The following RYR2 variants were observed in gnomAD, a reference collection of about 807,000 sequenced individuals.
The protein encoded by RYR2 is cardiac muscle ryanodine receptor-calcium release channel.
RYR2 carries 227 observed loss-of-function variants against 601.1 expected under a neutral mutation model. The observed-to-expected ratio is 0.38, with a 90% confidence interval of 0.34 to 0.42. The LOEUF is 0.42. Ranked by LOEUF, RYR2 falls within the 10% of genes least tolerant of loss-of-function variation. RYR2 has a pLI of 1.00. For synonymous variants in RYR2, 2,223 were observed against 2,175.1 expected (o/e 1.02, Z -0.61); for missense variants, 4,646 against 6,156.5 (o/e 0.75, Z 8.21).
chr1:237,417,626 G>A (rs771821733), intron 11 of RYR2, among the ~76,000 whole-genome samples: 3 of 152,146 alleles, frequency 2.0e-5, no homozygotes, highest in Non-Finnish European at 4.4e-5. Context: ...TGATAGCTAA[G>A]TACAAATCTG....
At chr1:237,235,218 G>T (rs1338792785) in intron 1 of RYR2, among the ~76,000 whole-genome samples, 8 of 152,326 alleles carry the variant, frequency 5.3e-5, no homozygotes, top group African/African-American at 1.9e-4. Context: ...GAGGTACTTG[G>T]CTGATTTTAG....
At chr1:237,804,653 T>C (rs1660405660) in intron 98 of RYR2, among the ~76,000 whole-genome samples, 1 of 152,162 alleles carries the variant, frequency 6.6e-6, no homozygotes, top group African/African-American at 2.4e-5. Flanking sequence ...CCCAGGAGAC[T>C]TCTACAACAG....
rs139604211 is a variant in RYR2, at chr1:237,345,435, G to A, written c.274-10530G>A. 2.8e-3 allele frequency among the ~76,000 whole-genome samples: 420 copies of A among 149,292 alleles called. 18 individuals carry two copies. The East Asian group carries it at 0.074, about 26-fold the overall frequency. On this transcript the variant is annotated intron_variant, in intron 3 of 104. Transcript: ENST00000366574. The stretch of plus-strand genomic sequence containing the variant: ...AGTGCTACTATATTCCAGCCTGGGT[G>A]AAAGAGAGAGACTCTGCCAAAAAAT...
At chr1:237,617,001 C>G (rs1357474577) in intron 37 of RYR2, among the ~76,000 whole-genome samples, 1 of 152,102 alleles carries the variant, frequency 6.6e-6, no homozygotes, top group Non-Finnish European at 1.5e-5. Context: ...CCCAGCCCCG[C>G]CCTTGACATG....
intron 62 of RYR2, among the ~76,000 whole-genome samples, chr1:237,682,296 G>A (rs1685954778): frequency 6.6e-6 from 1 of 152,044 alleles, no homozygotes; most frequent in African/African-American, 2.4e-5. Context: ...TAAATCAGAG[G>A]TACATCGCTA....
intron 10 of RYR2, among the ~76,000 whole-genome samples, chr1:237,389,781 G>A (rs1489093524): frequency 2.0e-5 from 3 of 152,150 alleles, no homozygotes; most frequent in African/African-American, 4.8e-5. Context: ...TCTATGAGAC[G>A]TCCAGTAGGA....
At chr1:237,722,303 A>G (rs903312494) in intron 73 of RYR2, among the ~76,000 whole-genome samples, 1 of 152,062 alleles carries the variant, frequency 6.6e-6, no homozygotes, top group African/African-American at 2.4e-5. Flanking sequence ...AGTATGATAA[A>G]TCTCACGGTA....
chr1:237,203,000 G>A (rs906289637), intron 1 of RYR2, among the ~76,000 whole-genome samples: 1 of 152,188 alleles, frequency 6.6e-6, no homozygotes, highest in African/African-American at 2.4e-5. Flanking sequence ...ATTCTTGGAG[G>A]CAGGGGAGGC....
intron 12 of RYR2, among the ~76,000 whole-genome samples, chr1:237,436,024 G>A (rs1170584391): frequency 6.6e-6 from 1 of 152,152 alleles, no homozygotes; most frequent in Non-Finnish European, 1.5e-5. Context: ...AGAACCAAGA[G>A]CAGGGTAGAG....
intron 21 of RYR2, 93 bp downstream of exon 21, chr1:237,500,996 C>T: frequency 8.2e-7 from 1 of 1,213,494 alleles, no homozygotes; most frequent in Admixed American, 1.9e-5. Context: ...CTTCTCTAAC[C>T]ATTGTTTGTC....
chr1:237,344,042 C>T (rs1385981401), intron 3 of RYR2, among the ~76,000 whole-genome samples: 18 of 152,222 alleles, frequency 1.2e-4, no homozygotes, highest in African/African-American at 3.6e-4. Context: ...AGGCTGGTCT[C>T]GAACTCCTTA....
Position 237,042,586 on chromosome 1 carries a change from G to C in RYR2, c.48+17G>C. The C allele has an allele frequency of 8.0e-7, 1 of 1,257,096 alleles. No homozygotes were observed. Among genetic ancestry groups the C allele is most frequent in the Admixed American group, 4.1e-5 (1 of 24,430 alleles). The allele number at this position is 1,257,096 out of a possible 1,614,324, so 77.9% of individuals were successfully genotyped here. On this transcript the variant is annotated intron_variant, in intron 1 of 104. Transcript: ENST00000366574. The stretch of plus-strand genomic sequence containing the variant: ...CTGCGAACTGTAAGCGCCGTGCGTC[G>C]CGTGTGCTGTCAGGGGAAGGGGGCG...
Position 237,355,986 on chromosome 1 carries a change from G to T in RYR2, c.294+1G>T. 3 of 1,606,490 alleles carry T rather than the reference G, an allele frequency of 1.9e-6. No individual in the cohort carries two copies. The highest frequency in any genetic ancestry group is 2.6e-6 in the Non-Finnish European group (3 of 1,175,894). ...ACAGCAAGTTGATGTGGAAAAATGG[G>T]TATGTGTTTCCATGTATTTGCAAAG... is the stretch of plus-strand genomic sequence containing the variant. On this transcript the variant is annotated splice_donor_variant, in intron 4 of 104. Coordinates refer to ENST00000366574, the MANE Select transcript of RYR2 (RefSeq NM_001035.3). LOFTEE classifies it high-confidence loss of function.
chr1:237,267,007 G>A (rs887554830), intron 1 of RYR2, among the ~76,000 whole-genome samples: 6 of 152,168 alleles, frequency 3.9e-5, no homozygotes, highest in Non-Finnish European at 5.9e-5. Context: ...GAAACTTTGC[G>A]TAAGTGAGTT....
At chr1:237,312,047 G>T (rs1157178920) in intron 2 of RYR2, among the ~76,000 whole-genome samples, 1 of 152,152 alleles carries the variant, frequency 6.6e-6, no homozygotes, top group Non-Finnish European at 1.5e-5. Context: ...TCTGTTTCAA[G>T]AATGAAAATC....
chr1:237,211,876 C>T (rs1014984958), intron 1 of RYR2, among the ~76,000 whole-genome samples: 18 of 152,046 alleles, frequency 1.2e-4, no homozygotes, highest in African/African-American at 3.9e-4. Context: ...GATACCTACT[C>T]GAGGGAGGTG....
At chr1:237,124,362 CAG>C (rs1319741730) in intron 1 of RYR2, among the ~76,000 whole-genome samples, 1 of 152,148 alleles carries the variant, frequency 6.6e-6, no homozygotes, top group Non-Finnish European at 1.5e-5. Flanking sequence ...CCTTCAGAAA[CAG>C]AGAGCCCACT....
chr1:237,212,201 A>G (rs1682658787), intron 1 of RYR2, among the ~76,000 whole-genome samples: 1 of 152,154 alleles, frequency 6.6e-6, no homozygotes, highest in Admixed American at 6.5e-5. Context: ...TCATCTAGAC[A>G]TAATTACCCC....
chr1:237,127,937 A>G (rs1671705736), intron 1 of RYR2, among the ~76,000 whole-genome samples: 2 of 151,804 alleles, frequency 1.3e-5, no homozygotes, highest in African/African-American at 4.8e-5. Context: ...CACATCCCAG[A>G]CGATGGGCGG....
Sources: allele counts gnomAD v4.1 joint callset (sites outside exome capture counted in the v4.1 genomes callset), GRCh38; gene constraint gnomAD v4.1.1; transcripts MANE v1.5; gene names NCBI Gene and HGNC (gene_info 2026-07-23, HGNC 2026-07-21).